The following AGBL3 variants were observed in gnomAD, a reference collection of about 807,000 sequenced individuals.
AGBL3 encodes the protein cytosolic carboxypeptidase 3.
A neutral mutation model predicts 94.5 loss-of-function variants in AGBL3; 68 were observed. The ratio of observed to expected loss-of-function variants is 0.72; its 90% CI spans 0.59 to 0.88. The LOEUF is 0.88. Ranked by LOEUF, AGBL3 falls within the 40% of genes least tolerant of loss-of-function variation. The pLI is 0.00. For missense variants in AGBL3, 934 were observed against 1,103.8 expected (o/e 0.85, Z 2.18); for synonymous variants, 354 against 370.7 (o/e 0.95, Z 0.52).
rs76824052 is a variant in AGBL3 at position 135,121,552 on chromosome 7, GAAA to G, written c.2342+5954_2342+5956del. On this transcript the variant is annotated intron_variant, in intron 16 of 16. Coordinates refer to ENST00000436302, the MANE Select transcript of AGBL3 (RefSeq NM_178563.4). ...GAAATCAATAGCCAAAGGGTAATAG[GAAA>G]AAAAAAAAAAAACCTAAACATTTGG... Among the ~76,000 whole-genome samples, 74 of 123,644 alleles carry G rather than the reference GAAA, an allele frequency of 6.0e-4. 1 individual carries two copies. Among genetic ancestry groups the G allele is most frequent in the African/African-American group, 2.0e-3 (68 of 33,514 alleles). 81.1% of individuals were successfully genotyped at this position (123,644 alleles called of 152,430 possible).
chr7:135,134,881 A>G lies in AGBL3; in HGVS notation c.2383A>G (p.Thr795Ala), dbSNP rs761245376. The G allele has an allele frequency of 2.6e-6, 4 of 1,550,776 alleles. No homozygotes were observed. Among genetic ancestry groups the G allele is most frequent in the Middle Eastern group, 1.7e-4 (1 of 6,002 alleles). Residue 795 changes from threonine to alanine, a missense_variant, in exon 17 of 17, where the codon ACA (threonine) becomes GCA (alanine). Thr to Ala is a moderately conservative substitution (Grantham distance 58, BLOSUM62 0). Around this residue, in one of 3 missense-constraint regions of AGBL3, gnomAD observed 441 missense variants for 518.2 expected, o/e 0.85. Coordinates refer to ENST00000436302, the MANE Select transcript of AGBL3 (RefSeq NM_178563.4). ...ATCRNIKKYS[T>A]SWTAPRNHPF... ...TTGCAGAAATATAAAGAAATACAGC[A>G]CATCTTGGACAGCACCCAGAAATCA...
At chr7:134,991,834 C>T (rs1339619311) in intron 3 of AGBL3, among the ~76,000 whole-genome samples, 1 of 151,246 alleles carries the variant, frequency 6.6e-6, no homozygotes, top group Non-Finnish European at 1.5e-5. Flanking sequence ...AAAAAAAAGA[C>T]TCAGTTTCTA....
intron 15 of AGBL3, among the ~76,000 whole-genome samples, chr7:135,083,111 T>C (rs538325797): frequency 1.4e-3 from 219 of 152,254 alleles, no homozygotes; most frequent in Middle Eastern, 3.4e-3. Context: ...TGAATATGTA[T>C]GATTTTACCT....
At chr7:135,126,237 T>G (rs1827846810) in intron 16 of AGBL3, among the ~76,000 whole-genome samples, 1 of 152,136 alleles carries the variant, frequency 6.6e-6, no homozygotes, top group Admixed American at 6.5e-5. Context: ...CAAGCATTCC[T>G]TTACACCAAC....
chr7:135,112,370 A>G (rs1244379466), intron 15 of AGBL3, among the ~76,000 whole-genome samples: 1 of 152,204 alleles, frequency 6.6e-6, no homozygotes, highest in Admixed American at 6.5e-5. Flanking sequence ...TCAGTCATGA[A>G]TTATTCCCAT....
At chr7:135,057,976 AACT>A (rs543714326) in intron 11 of AGBL3, among the ~76,000 whole-genome samples, 2 of 152,340 alleles carry the variant, frequency 1.3e-5, no homozygotes, top group South Asian at 4.1e-4. Flanking sequence ...AGGGCAGTTT[AACT>A]ACTATTTATG....
intron 15 of AGBL3, among the ~76,000 whole-genome samples, chr7:135,097,936 T>C (rs374803324): frequency 6.6e-6 from 1 of 152,168 alleles, no homozygotes; most frequent in East Asian, 1.9e-4. Flanking sequence ...TAAGTTCAGA[T>C]TACCTCAGTG....
intron 4 of AGBL3, among the ~76,000 whole-genome samples, chr7:134,996,255 T>C (rs1035429203): frequency 4.6e-5 from 7 of 152,156 alleles, no homozygotes; most frequent in Non-Finnish European, 1.0e-4. Flanking sequence ...ATCTATGTGA[T>C]GCATCTTAGC....
In AGBL3 at chr7:135,122,759, T is replaced by C. The variant is rs541378602; in HGVS notation, c.2342+7148T>C. ...AGGAGTGAACCAGATGACGAGGGCC[T>C]GAAGTGAAACCCCAGCAAACAGCAG... is the stretch of plus-strand genomic sequence containing the variant. On this transcript the variant is annotated intron_variant, in intron 16 of 16. Coordinates refer to ENST00000436302, the MANE Select transcript of AGBL3 (RefSeq NM_178563.4). Among the ~76,000 whole-genome samples the C allele has an allele frequency of 2.0e-5, 3 of 152,180 alleles. No homozygotes were observed. The East Asian group carries it at 5.8e-4, about 29-fold the overall frequency.
chr7:135,048,000 T>C (rs1320646124), intron 11 of AGBL3, among the ~76,000 whole-genome samples: 1 of 151,976 alleles, frequency 6.6e-6, no homozygotes, highest in Non-Finnish European at 1.5e-5. Context: ...GTTTCAGCTC[T>C]TATATTTAAG....
At chr7:135,060,490 T>C (rs1818732598) in intron 12 of AGBL3, among the ~76,000 whole-genome samples, 1 of 152,134 alleles carries the variant, frequency 6.6e-6, no homozygotes, top group African/African-American at 2.4e-5. Context: ...AATAGATCTC[T>C]TGAACTTATT....
chr7:135,088,114 T>G (rs1821476154), intron 15 of AGBL3, among the ~76,000 whole-genome samples: 1 of 152,120 alleles, frequency 6.6e-6, no homozygotes, highest in Non-Finnish European at 1.5e-5. Flanking sequence ...GTCTGTTTTA[T>G]CTGATATAAG....
At chr7:134,992,449 C>A (rs1810415010) in intron 3 of AGBL3, among the ~76,000 whole-genome samples, 1 of 152,184 alleles carries the variant, frequency 6.6e-6, no homozygotes, top group African/African-American at 2.4e-5. Flanking sequence ...TTTATGATCA[C>A]TGAAATTATC....
At chr7:135,068,724 C>G (rs1003820261) in intron 12 of AGBL3, among the ~76,000 whole-genome samples, 3 of 152,186 alleles carry the variant, frequency 2.0e-5, no homozygotes, top group African/African-American at 7.2e-5. Flanking sequence ...CCTAAGAGAG[C>G]TCCTGAAGGA....
intron 15 of AGBL3, among the ~76,000 whole-genome samples, chr7:135,106,263 T>C (rs1236759856): frequency 6.6e-6 from 1 of 152,178 alleles, no homozygotes; most frequent in Non-Finnish European, 1.5e-5. Flanking sequence ...TCCAATATTA[T>C]GTTGAATAGA....
At chr7:135,037,295 T>C (rs574024405) in intron 7 of AGBL3, 123 bp from the exon 8 acceptor site, 1 of 741,070 alleles carries the variant, frequency 1.3e-6, no homozygotes, top group East Asian at 3.1e-5. Context: ...GCAATATAGA[T>C]AAGAGAAAGC....
chr7:135,033,052 A>T, intron 6 of AGBL3, 70 bp downstream of exon 6: 1 of 1,383,756 alleles, frequency 7.2e-7, no homozygotes. Flanking sequence ...AGTACATTAA[A>T]GTTCTTAGTA....
intron 16 of AGBL3, among the ~76,000 whole-genome samples, chr7:135,133,296 G>A (rs775010205): frequency 6.6e-5 from 10 of 152,194 alleles, no homozygotes; most frequent in Non-Finnish European, 1.5e-4. Flanking sequence ...ATATCTAAAT[G>A]AGTGGAAAGA....
intron 15 of AGBL3, among the ~76,000 whole-genome samples, chr7:135,082,710 A>G (rs1212717420): frequency 1.3e-5 from 2 of 152,020 alleles, no homozygotes; most frequent in Non-Finnish European, 2.9e-5. Context: ...TATTTGGTTC[A>G]TTGTGCTTGA....
Sources: allele counts gnomAD v4.1 joint callset (sites outside exome capture counted in the v4.1 genomes callset), GRCh38; gene constraint gnomAD v4.1.1; regional missense constraint gnomAD v4.1.1; transcripts MANE v1.5; gene names NCBI Gene and HGNC (gene_info 2026-07-23, HGNC 2026-07-21).